Variants in MRC1 observed in about 807,000 individuals in gnomAD.
MRC1 encodes macrophage mannose receptor 1.
In MRC1, 62 loss-of-function variants were observed where a neutral mutation model predicts 102.9. That is an observed-to-expected ratio of 0.60 (90% CI 0.49 to 0.74). The LOEUF is 0.74. Ranked by LOEUF, MRC1 falls within the 30% of genes least tolerant of loss-of-function variation. The pLI, the probability that MRC1 is intolerant of heterozygous loss-of-function variation, is 0.00. For synonymous variants in MRC1, 457 were observed against 298.4 expected, an observed-to-expected ratio of 1.53 and a Z score of -5.48; for missense variants, 1,237 against 862.8, an observed-to-expected ratio of 1.43 and a Z score of -5.43.
chr10:17,857,458 T>C (rs1833109758), intron 9 of MRC1, among the ~76,000 whole-genome samples: 1 of 152,240 alleles, frequency 6.6e-6, no homozygotes, highest in African/African-American at 2.4e-5. Context: ...TTTTTTTCTA[T>C]TTTCCTACAC....
rs1296863790 is a variant in MRC1, at chr10:17,884,081, C to A, written c.2981-1188C>A. On this transcript the variant is annotated intron_variant, in intron 21 of 29. Coordinates refer to ENST00000569591, the MANE Select transcript of MRC1 (RefSeq NM_002438.4). ...TCCTGGGCTCAAGTAATCCTCCTGC[C>A]TCAGCCTTTTGAGAAGCTGGGACTA... is the stretch of plus-strand genomic sequence containing the variant. Among the ~76,000 whole-genome samples the A allele has an allele frequency of 3.3e-5, 5 of 152,304 alleles. No homozygotes were observed. The East Asian group carries it at 7.7e-4, about 24-fold the overall frequency.
chr10:17,849,889 A>G, intron 7 of MRC1, 125 bp downstream of exon 7: 1 of 609,742 alleles, frequency 1.6e-6, no homozygotes, highest in Non-Finnish European at 3.0e-6. Flanking sequence ...TTCAACGAAC[A>G]ACGTATGAAT....
At chr10:17,873,654 A>G in intron 15 of MRC1, 130 bp from the exon 16 acceptor site, 1 of 739,574 alleles carries the variant, frequency 1.4e-6, no homozygotes, top group Non-Finnish European at 2.5e-6. Flanking sequence ...TAGGAGAAAG[A>G]AAGGGAAGGG....
At chr10:17,832,449 G>C (rs954290716) in intron 3 of MRC1, among the ~76,000 whole-genome samples, 13 of 150,330 alleles carry the variant, frequency 8.6e-5, no homozygotes, top group African/African-American at 3.2e-4. Context: ...CAGCTGCTGG[G>C]GAGGCTGAGG....
chr10:17,829,565 C>T (rs1306777954), intron 3 of MRC1, among the ~76,000 whole-genome samples: 1 of 151,378 alleles, frequency 6.6e-6, no homozygotes, highest in Non-Finnish European at 1.5e-5. Flanking sequence ...TTTTAGATGT[C>T]GAATTTTGTA....
At chr10:17,840,572 A>G (rs1384586614) in intron 4 of MRC1, 121 bp from the exon 5 acceptor site, 1 of 716,668 alleles carries the variant, frequency 1.4e-6, no homozygotes, top group Non-Finnish European at 2.6e-6. Flanking sequence ...CATGGTAGGC[A>G]TGATTATTGT....
Position 17,827,603 on chromosome 10 carries a change from A to C in MRC1, c.525A>C (p.Glu175Asp). Residue 175 changes from glutamate (E) to aspartate (D), a missense_variant, in exon 3 of 30, where the codon GAA becomes GAC. Physicochemically the swap from Glu to Asp is conservative, Grantham distance 45. Coordinates refer to ENST00000569591, the MANE Select transcript of MRC1 (RefSeq NM_002438.4). ...GATCAFPFKF[E>D]NKWYADCTSA... ...CCTGTGCATTCCCGTTCAAGTTTGAAAACAAGTGGTACGCAGATTGCACGA... is the reference window on the plus strand; with the variant it reads ...CCTGTGCATTCCCGTTCAAGTTTGACAACAAGTGGTACGCAGATTGCACGA... 2.6e-6 allele frequency: 2 copies of C among 780,822 alleles called. No homozygotes were observed. Among genetic ancestry groups the C allele is most frequent in the South Asian group, 2.7e-5 (2 of 74,612 alleles). The allele number at this position is 780,822 out of a possible 1,614,324, so 48.4% of individuals were successfully genotyped here.
chr10:17,847,926 C>CTTTTTTTTTTTTTTTTTTTTTTT (rs5783563), intron 6 of MRC1, among the ~76,000 whole-genome samples: 1 of 147,396 alleles, frequency 6.8e-6, no homozygotes. Context: ...TCTTTTTCTT[C>CTTTTTTTTTTTTTTTTTTTTTTT]TTTTTTTTTT....
intron 9 of MRC1, among the ~76,000 whole-genome samples, chr10:17,860,856 C>T (rs1833174477): frequency 6.6e-6 from 1 of 152,180 alleles, no homozygotes; most frequent in Non-Finnish European, 1.5e-5. Context: ...TGGCTGCCCC[C>T]ATTTATTTGC....
At chr10:17,885,672 C>T (rs1833582693) in intron 22 of MRC1, among the ~76,000 whole-genome samples, 1 of 152,148 alleles carries the variant, frequency 6.6e-6, no homozygotes, top group Non-Finnish European at 1.5e-5. Context: ...CAGTTCCATT[C>T]TGAGCCTAAC....
chr10:17,839,268 G>A (rs542405931), intron 4 of MRC1, among the ~76,000 whole-genome samples: 7 of 152,156 alleles, frequency 4.6e-5, no homozygotes, highest in Admixed American at 2.0e-4. Context: ...ATTTAGTTAC[G>A]CAGTCTCAAT....
intron 4 of MRC1, among the ~76,000 whole-genome samples, chr10:17,835,726 C>G (rs909221974): frequency 6.6e-6 from 1 of 152,160 alleles, no homozygotes; most frequent in Non-Finnish European, 1.5e-5. Flanking sequence ...GAAAACTAGA[C>G]AGTCATGGCA....
chr10:17,901,304 A>G (rs1833825179), intron 25 of MRC1, among the ~76,000 whole-genome samples: 1 of 152,202 alleles, frequency 6.6e-6, no homozygotes, highest in South Asian at 2.1e-4. Context: ...TAGCTAAGAA[A>G]GGGTTGTAGG....
intron 9 of MRC1, among the ~76,000 whole-genome samples, chr10:17,857,626 A>C (rs1235045667): frequency 6.6e-6 from 1 of 152,234 alleles, no homozygotes; most frequent in Non-Finnish European, 1.5e-5. Flanking sequence ...AAACACAAAG[A>C]GTTTAAACAA....
intron 8 of MRC1, chr10:17,854,838 A>G (rs1833058159): frequency 6.2e-6 from 1 of 160,968 alleles, no homozygotes; most frequent in Non-Finnish European, 1.4e-5. Flanking sequence ...ACAAGCGTGC[A>G]CCACCACATC....
chr10:17,861,267 T>G (rs1259359037), intron 9 of MRC1, 120 bp from the exon 10 acceptor site: 2 of 561,134 alleles, frequency 3.6e-6, no homozygotes, highest in African/African-American at 3.9e-5. Flanking sequence ...GAGCCAAGAT[T>G]GCGCCATTGT....
At chr10:17,867,425 CCTT>C (rs1395280311) in intron 12 of MRC1, among the ~76,000 whole-genome samples, 2 of 148,728 alleles carry the variant, frequency 1.3e-5, no homozygotes, top group South Asian at 2.1e-4. Flanking sequence ...CTCTCTCTCT[CCTT>C]CTCTTTCTTT....
intron 17 of MRC1, 23 bp from the exon 18 acceptor site, chr10:17,877,877 A>G (rs1833458626): frequency 6.9e-6 from 6 of 871,996 alleles, no homozygotes; most frequent in Admixed American, 1.7e-5. Context: ...AAATTAAACT[A>G]TACGTAAACT....
chr10:17,817,912 AGAT>A (rs1260665701), intron 1 of MRC1, among the ~76,000 whole-genome samples: 5 of 152,232 alleles, frequency 3.3e-5, no homozygotes, highest in African/African-American at 1.2e-4. Flanking sequence ...CATGTTGCAG[AGAT>A]GATGATAAAG....
Sources: allele counts gnomAD v4.1 joint callset (sites outside exome capture counted in the v4.1 genomes callset), GRCh38; gene constraint gnomAD v4.1.1; transcripts MANE v1.5; gene names NCBI Gene and HGNC (gene_info 2026-07-23, HGNC 2026-07-21).